Variants in COG5 observed in about 807,000 individuals in gnomAD.
COG5 encodes the protein component of oligomeric golgi complex 5.
Under a neutral mutation model 110.4 loss-of-function variants are expected in COG5, and 86 were observed. That is an observed-to-expected ratio of 0.78 (90% CI 0.65 to 0.93). The LOEUF is 0.93. Ranked by LOEUF, COG5 falls within the 40% of genes least tolerant of loss-of-function variation. The pLI, the probability that COG5 is intolerant of heterozygous loss-of-function variation, is 0.00. For missense variants in COG5, 1,077 were observed against 987.0 expected (o/e 1.09, Z -1.22); for synonymous variants, 360 against 334.6 (o/e 1.08, Z -0.83).
At chr7:107,378,054 C>T (rs188486136) in intron 7 of COG5, among the ~76,000 whole-genome samples, 3 of 152,276 alleles carry the variant, frequency 2.0e-5, no homozygotes, top group East Asian at 1.9e-4. Context: ...CCCTCTGGGA[C>T]GAAGCTTTCA....
intron 1 of COG5, 116 bp downstream of exon 1, chr7:107,563,687 T>C (rs1397929271): frequency 8.3e-7 from 1 of 1,198,926 alleles, no homozygotes; most frequent in Non-Finnish European, 1.2e-6. Flanking sequence ...AGGGGAGTGG[T>C]CACGTCCAGA....
intron 6 of COG5, among the ~76,000 whole-genome samples, chr7:107,419,627 G>A (rs1420724274): frequency 1.3e-5 from 2 of 151,564 alleles, no homozygotes; most frequent in Non-Finnish European, 2.9e-5. Flanking sequence ...GAGTGCAATG[G>A]CACAATCCTG....
chr7:107,410,298 T>G (rs574207490), intron 7 of COG5, among the ~76,000 whole-genome samples: 1 of 152,244 alleles, frequency 6.6e-6, no homozygotes, highest in South Asian at 2.1e-4. Flanking sequence ...GTTAGGTGAA[T>G]AGTTGAAGAG....
intron 7 of COG5, among the ~76,000 whole-genome samples, chr7:107,401,274 G>GA (rs1330992112): frequency 6.6e-6 from 1 of 151,592 alleles, no homozygotes; most frequent in African/African-American, 2.4e-5. Context: ...AAGCTTTAGA[G>GA]AAAAAAAATT....
intron 7 of COG5, among the ~76,000 whole-genome samples, chr7:107,408,257 C>A (rs910226872): frequency 6.6e-6 from 1 of 152,198 alleles, no homozygotes; most frequent in Non-Finnish European, 1.5e-5. Context: ...GTAGTTATAA[C>A]TGAAACTAAA....
At chr7:107,369,639 TCA>T (rs1306818719) in intron 8 of COG5, among the ~76,000 whole-genome samples, 1 of 152,090 alleles carries the variant, frequency 6.6e-6, no homozygotes, top group Non-Finnish European at 1.5e-5. Flanking sequence ...TCTGCCCACC[TCA>T]GTCTCCCAAA....
At chr7:107,246,201 C>T (rs1230049363) in intron 17 of COG5, among the ~76,000 whole-genome samples, 2 of 152,072 alleles carry the variant, frequency 1.3e-5, no homozygotes, top group South Asian at 2.1e-4. Context: ...TTACACCATA[C>T]ACAAAAATCA....
rs191982601 is a variant in COG5 at position 107,441,976 on chromosome 7, A to C, written c.539-29344T>G. Among the ~76,000 whole-genome samples the C allele has an allele frequency of 2.2e-4, 34 of 152,334 alleles. 1 individual carries two copies. In the East Asian group the frequency reaches 4.0e-3, roughly 18 times the overall value. On this transcript the variant is annotated intron_variant, in intron 6 of 21. Transcript: ENST00000297135. ...AAACTATGATCCATGAACTGAGCAA[A>C]TATGTTATCTAAAAGGTAAGGAAAG... is the stretch of plus-strand genomic sequence containing the variant.
chr7:107,500,885 G>C (rs1342991216), intron 6 of COG5, among the ~76,000 whole-genome samples: 2 of 152,092 alleles, frequency 1.3e-5, no homozygotes, highest in African/African-American at 4.8e-5. Flanking sequence ...TATACAATAT[G>C]AAAGTGTAAA....
chr7:107,556,827 A>G (rs1049316984), intron 2 of COG5, among the ~76,000 whole-genome samples: 7 of 151,580 alleles, frequency 4.6e-5, no homozygotes, highest in Admixed American at 2.0e-4. Context: ...CTTGAGTGCA[A>G]TGGCACGATC....
At position 107,202,039 on chromosome 7, in the gene COG5, G is replaced by C. The variant is rs1398147739; in HGVS notation, c.*1477C>G. ...TGCTGCAGTTACCATGGCATGCTGA[G>C]TTGATGCACCAGGTGGCAGCAGCCA... On this transcript the variant is annotated 3_prime_UTR_variant, in exon 22 of 22. Transcript: ENST00000297135. 2 of 152,698 alleles carry C rather than the reference G, an allele frequency of 1.3e-5. No individual in the cohort carries two copies. Among genetic ancestry groups the C allele is most frequent in the African/African-American group, 4.8e-5 (2 of 41,456 alleles). 9.5% of individuals were successfully genotyped at this position (152,698 alleles called of 1,614,324 possible).
chr7:107,475,596 T>A, intron 6 of COG5: 1 of 365,774 alleles, frequency 2.7e-6, no homozygotes, highest in Non-Finnish European at 5.1e-6. Flanking sequence ...GTCAATATTA[T>A]GTCCAACAGA....
At chr7:107,444,678 A>G (rs1015847902) in intron 6 of COG5, among the ~76,000 whole-genome samples, 2 of 152,198 alleles carry the variant, frequency 1.3e-5, no homozygotes, top group African/African-American at 4.8e-5. Context: ...ATCAAATACT[A>G]TATCATAAAC....
At chr7:107,288,399 A>C (rs1805826947) in intron 12 of COG5, among the ~76,000 whole-genome samples, 1 of 152,174 alleles carries the variant, frequency 6.6e-6, no homozygotes, top group South Asian at 2.1e-4. Context: ...ACCCTTTTCC[A>C]AGGCCCTGTA....
chr7:107,347,122 A>C (rs1207260231), intron 10 of COG5, among the ~76,000 whole-genome samples: 1 of 152,206 alleles, frequency 6.6e-6, no homozygotes, highest in African/African-American at 2.4e-5. Context: ...TCTGATTATA[A>C]ATAAGTTGAT....
intron 10 of COG5, among the ~76,000 whole-genome samples, chr7:107,353,193 AG>A (rs1812315649): frequency 1.3e-5 from 2 of 152,174 alleles, no homozygotes; most frequent in African/African-American, 4.8e-5. Context: ...TGGGAGGCCG[AG>A]GTGGGCGGAT....
At chr7:107,204,130 T>C (rs1000246557) in intron 21 of COG5, among the ~76,000 whole-genome samples, 1 of 152,224 alleles carries the variant, frequency 6.6e-6, no homozygotes, top group Non-Finnish European at 1.5e-5. Context: ...CTAGAATAAG[T>C]GCTCTTGGGC....
intron 12 of COG5, among the ~76,000 whole-genome samples, chr7:107,288,960 A>ATATT (rs1805926358): frequency 1.0e-5 from 1 of 96,074 alleles, no homozygotes; most frequent in East Asian, 3.1e-4. Flanking sequence ...ATATATATAT[A>ATATT]TATTTAAAAA....
chr7:107,395,789 A>T (rs1189701019), intron 7 of COG5, among the ~76,000 whole-genome samples: 1 of 151,970 alleles, frequency 6.6e-6, no homozygotes, highest in Non-Finnish European at 1.5e-5. Flanking sequence ...TCCCAACCTC[A>T]GGTGATCCAC....
Sources: gnomAD v4.1 joint callset for allele counts (sites outside exome capture counted in the v4.1 genomes callset) on GRCh38, gnomAD v4.1.1 for gene constraint, MANE v1.5 for transcripts, NCBI Gene and HGNC (gene_info 2026-07-23, HGNC 2026-07-21) for gene names.